The following CDC42SE2 variants were observed in gnomAD, a reference collection of about 807,000 sequenced individuals.
CDC42SE2 encodes CDC42 small effector 2.
In CDC42SE2, 3 loss-of-function variants were observed where a neutral mutation model predicts 11.5. The observed-to-expected ratio is 0.26, with a 90% CI of 0.12 to 0.67. The LOEUF (loss-of-function observed/expected upper bound fraction) is 0.67. Ranked by LOEUF, CDC42SE2 falls within the 30% of genes least tolerant of loss-of-function variation. CDC42SE2 has a pLI of 0.80. For missense variants in CDC42SE2, 82 were observed against 106.8 expected, an observed-to-expected ratio of 0.77 and a Z score of 1.02; for synonymous variants, 33 against 34.8, an observed-to-expected ratio of 0.95 and a Z score of 0.18.
chr5:131,340,649 A>G (rs1758690525), intron 2 of CDC42SE2, among the ~76,000 whole-genome samples: 1 of 151,750 alleles, frequency 6.6e-6, no homozygotes, highest in African/African-American at 2.4e-5. Context: ...TCAGTTAACC[A>G]TTAAAGAGCA....
chr5:131,349,710 A>G (rs1466571711), intron 2 of CDC42SE2, among the ~76,000 whole-genome samples: 1 of 152,236 alleles, frequency 6.6e-6, no homozygotes, highest in Non-Finnish European at 1.5e-5. Context: ...TGGAAATTTT[A>G]TGCAGGTATT....
chr5:131,302,823 C>CTT (rs201295430), intron 1 of CDC42SE2, among the ~76,000 whole-genome samples: 1 of 140,186 alleles, frequency 7.1e-6, no homozygotes, highest in African/African-American at 2.6e-5. Flanking sequence ...CCTCATGACT[C>CTT]TTTTTTTTTT....
chr5:131,268,017 G>A (rs1214225255), intron 1 of CDC42SE2, among the ~76,000 whole-genome samples: 2 of 146,854 alleles, frequency 1.4e-5, no homozygotes, highest in African/African-American at 2.5e-5. Flanking sequence ...GTGTCGTCTT[G>A]AGAGGAACTT....
intron 1 of CDC42SE2, among the ~76,000 whole-genome samples, chr5:131,270,800 G>C (rs1348153162): frequency 6.6e-6 from 1 of 152,170 alleles, no homozygotes; most frequent in Non-Finnish European, 1.5e-5. Flanking sequence ...CTTTTCTTTG[G>C]CTCAAAACTG....
At chr5:131,236,081 T>C in the CDC42SE2 span, among the ~76,000 whole-genome samples, 2 of 152,244 alleles carry the variant, frequency 1.3e-5, no homozygotes, top group Non-Finnish European at 2.9e-5. Context: ...CTTTCCTTTA[T>C]AGAATTGTTA....
chr5:131,334,396 G>A (rs1158006267), intron 2 of CDC42SE2, among the ~76,000 whole-genome samples: 4 of 152,286 alleles, frequency 2.6e-5, no homozygotes, highest in South Asian at 4.1e-4. Flanking sequence ...TTGCATCAAT[G>A]TTCATCAAGG....
chr5:131,293,529 G>T (rs1012460625), intron 1 of CDC42SE2, among the ~76,000 whole-genome samples: 2 of 148,242 alleles, frequency 1.3e-5, no homozygotes, highest in African/African-American at 5.0e-5. Context: ...TGGAGATCAG[G>T]CCACTGCACT....
intron 1 of CDC42SE2, among the ~76,000 whole-genome samples, chr5:131,266,464 T>C (rs1445219208): frequency 1.3e-5 from 2 of 149,324 alleles, no homozygotes; most frequent in Non-Finnish European, 1.5e-5. Flanking sequence ...TTTTTTCTTT[T>C]TTTTTTTTTT....
At chr5:131,344,287 G>A (rs1334537081) in intron 2 of CDC42SE2, among the ~76,000 whole-genome samples, 1 of 152,186 alleles carries the variant, frequency 6.6e-6, no homozygotes, top group Non-Finnish European at 1.5e-5. Flanking sequence ...CTGGAAAATT[G>A]GGACACTCCC....
chr5:131,292,906 CAAAAAAAAAA>C (rs869300653), intron 1 of CDC42SE2, among the ~76,000 whole-genome samples: 1 of 58,898 alleles, frequency 1.7e-5, no homozygotes, highest in Non-Finnish European at 2.7e-5. Context: ...GACCCTGTCT[CAAAAAAAAAA>C]AAAAAAAAAA....
chr5:131,225,886 G>C, the CDC42SE2 span, among the ~76,000 whole-genome samples: 3 of 152,196 alleles, frequency 2.0e-5, no homozygotes, highest in African/African-American at 7.2e-5. Flanking sequence ...AATGTGTGGA[G>C]CATGTTTGGC....
At chr5:131,373,080 A>G (rs1342007632) in intron 3 of CDC42SE2, among the ~76,000 whole-genome samples, 1 of 152,210 alleles carries the variant, frequency 6.6e-6, no homozygotes, top group Non-Finnish European at 1.5e-5. Context: ...TCTTACCAGC[A>G]ATATTTTGTT....
chr5:131,337,946 G>A (rs892393465), intron 2 of CDC42SE2, among the ~76,000 whole-genome samples: 33 of 151,540 alleles, frequency 2.2e-4, no homozygotes, highest in African/African-American at 7.7e-4. Context: ...CCCTGCTTCC[G>A]CTCACGCACA....
chr5:131,287,532 G>A (rs1222943429), intron 1 of CDC42SE2, among the ~76,000 whole-genome samples: 1 of 151,088 alleles, frequency 6.6e-6, no homozygotes, highest in Non-Finnish European at 1.5e-5. Flanking sequence ...GCACGATCAT[G>A]TCTCACTGCA....
intron 2 of CDC42SE2, among the ~76,000 whole-genome samples, chr5:131,318,104 C>G (rs1378693979): frequency 6.6e-6 from 1 of 151,932 alleles, no homozygotes; most frequent in Non-Finnish European, 1.5e-5. Context: ...CCATGCCCAG[C>G]CAATTTATAT....
intron 2 of CDC42SE2, among the ~76,000 whole-genome samples, chr5:131,256,489 C>A (rs1345448268): frequency 6.6e-6 from 1 of 152,206 alleles, no homozygotes; most frequent in East Asian, 1.9e-4. Flanking sequence ...TTAGTTCATA[C>A]TCTCTGTTGG....
At chr5:131,305,072 CTAGAGAT>C in intron 1 of CDC42SE2, among the ~76,000 whole-genome samples, 1 of 151,912 alleles carries the variant, frequency 6.6e-6, no homozygotes, top group African/African-American at 2.4e-5. Flanking sequence ...TTTTCCACCA[CTAGAGAT>C]TAGTTTCTAT....
At chr5:131,312,746 C>CTCCCTGACCCCTTGCACT (rs1757951408) in intron 1 of CDC42SE2, among the ~76,000 whole-genome samples, 1 of 152,182 alleles carries the variant, frequency 6.6e-6, no homozygotes. Context: ...GGAAAGGGAA[C>CTCCCTGACCCCTTGCACT]TCCCTGACCC....
At chr5:131,250,401 C>T (rs534494744) in intron 1 of CDC42SE2, among the ~76,000 whole-genome samples, 1 of 152,274 alleles carries the variant, frequency 6.6e-6, no homozygotes, top group South Asian at 2.1e-4. Context: ...ACAACAATTT[C>T]AGAATGAGCT....
Sources: allele counts gnomAD v4.1 joint callset (sites outside exome capture counted in the v4.1 genomes callset), GRCh38; gene constraint gnomAD v4.1.1; transcripts MANE v1.5; gene names NCBI Gene and HGNC (gene_info 2026-07-23, HGNC 2026-07-21).